Variants in TTC7B observed in about 807,000 individuals in gnomAD.
The protein encoded by TTC7B is tetratricopeptide repeat protein 7B.
TTC7B carries 28 observed loss-of-function variants against 106.8 expected under a neutral mutation model. The ratio of observed to expected loss-of-function variants is 0.26; its 90% CI spans 0.19 to 0.36. The LOEUF (loss-of-function observed/expected upper bound fraction) is 0.36, where lower values mean the gene tolerates loss of function less well. TTC7B is among the 10% of genes least tolerant of loss of function. The pLI is 1.00. For synonymous variants in TTC7B, 405 were observed against 430.6 expected (o/e 0.94, Z 0.74); for missense variants, 862 against 1,076.4 (o/e 0.80, Z 2.79).
At chr14:90,581,986 A>G (rs1891515570) in intron 18 of TTC7B, among the ~76,000 whole-genome samples, 1 of 152,162 alleles carries the variant, frequency 6.6e-6, no homozygotes, top group Non-Finnish European at 1.5e-5. Flanking sequence ...GAGGAAACCT[A>G]TGGCTCTGAT....
At chr14:90,804,269 G>T (rs1180782847) in intron 1 of TTC7B, among the ~76,000 whole-genome samples, 1 of 151,962 alleles carries the variant, frequency 6.6e-6, no homozygotes, top group East Asian at 1.9e-4. Context: ...GGGAGGCGGA[G>T]CTTGCAGTGA....
At chr14:90,684,372 T>C (rs552846475) in intron 7 of TTC7B, among the ~76,000 whole-genome samples, 62 of 151,992 alleles carry the variant, frequency 4.1e-4, no homozygotes, top group African/African-American at 1.3e-3. Flanking sequence ...CACACACACA[T>C]ATATATATAC....
intron 2 of TTC7B, among the ~76,000 whole-genome samples, chr14:90,783,824 C>A (rs956645663): frequency 3.3e-5 from 5 of 152,102 alleles, no homozygotes; most frequent in Non-Finnish European, 1.5e-5. Context: ...GTAGTCACAG[C>A]TACTCAGGAG....
intron 5 of TTC7B, among the ~76,000 whole-genome samples, chr14:90,702,472 T>G (rs1888031922): frequency 1.3e-5 from 2 of 152,214 alleles, no homozygotes; most frequent in Admixed American, 1.3e-4. Context: ...ATGTAGGAAG[T>G]GCTTTTTAAG....
At chr14:90,571,021 C>T (rs563852038) in intron 19 of TTC7B, among the ~76,000 whole-genome samples, 4 of 152,118 alleles carry the variant, frequency 2.6e-5, no homozygotes, top group Non-Finnish European at 5.9e-5. Flanking sequence ...CACCAACATA[C>T]GATTTCACGA....
At chr14:90,751,585 TTTTTTATTTTTTA>T (rs1265169620) in intron 3 of TTC7B, among the ~76,000 whole-genome samples, 4 of 151,804 alleles carry the variant, frequency 2.6e-5, no homozygotes, top group Admixed American at 6.6e-5. Flanking sequence ...TATTTTTTTA[TTTTTTATTTTTTA>T]TTTTTATTTT....
chr14:90,695,415 A>G, intron 6 of TTC7B, 85 bp downstream of exon 6: 1 of 630,496 alleles, frequency 1.6e-6, no homozygotes, highest in South Asian at 3.0e-5. Context: ...TATATTTATA[A>G]TACATAAATG....
intron 5 of TTC7B, among the ~76,000 whole-genome samples, chr14:90,709,089 G>T (rs1382558462): frequency 6.6e-6 from 1 of 151,960 alleles, no homozygotes; most frequent in African/African-American, 2.4e-5. Flanking sequence ...CTGTTGGTGG[G>T]ACTGTAAACT....
At chr14:90,566,247 G>A (rs758559117) in intron 19 of TTC7B, among the ~76,000 whole-genome samples, 2 of 152,080 alleles carry the variant, frequency 1.3e-5, no homozygotes, top group Non-Finnish European at 2.9e-5. Flanking sequence ...GGGAGGCTGA[G>A]GCAGGAGAAT....
chr14:90,583,419 C>T (rs905135507), intron 18 of TTC7B, among the ~76,000 whole-genome samples: 1 of 152,096 alleles, frequency 6.6e-6, no homozygotes, highest in African/African-American at 2.4e-5. Flanking sequence ...CAGGTGAAGG[C>T]CAGGGAAGCA....
chr14:90,643,918 T>C, intron 15 of TTC7B, 130 bp downstream of exon 15: 1 of 1,166,646 alleles, frequency 8.6e-7, no homozygotes, highest in Non-Finnish European at 1.2e-6. Flanking sequence ...AAAATAACAG[T>C]AAAGGGGATT....
At chr14:90,582,830 C>T (rs146813239) in intron 18 of TTC7B, among the ~76,000 whole-genome samples, 355 of 152,302 alleles carry the variant, frequency 2.3e-3, no homozygotes, top group African/African-American at 7.6e-3. Flanking sequence ...TGGGGCACAA[C>T]GTCTTAGGCT....
At chr14:90,573,850 T>A (rs919973594) in intron 19 of TTC7B, among the ~76,000 whole-genome samples, 3 of 152,192 alleles carry the variant, frequency 2.0e-5, no homozygotes, top group Non-Finnish European at 2.9e-5. Flanking sequence ...ACACATTTGT[T>A]CCCTAGCAAT....
chr14:90,697,866 A>G (rs932019935), intron 5 of TTC7B: 6 of 152,274 alleles, frequency 3.9e-5, no homozygotes, highest in African/African-American at 1.4e-4. Context: ...TTTGAAGCAA[A>G]TACAAGTTTT....
intron 8 of TTC7B, among the ~76,000 whole-genome samples, chr14:90,679,962 G>A (rs1432200351): frequency 6.6e-6 from 1 of 152,252 alleles, no homozygotes; most frequent in East Asian, 1.9e-4. Flanking sequence ...GCAAAGCCAG[G>A]AGCTGGAAGA....
intron 7 of TTC7B, among the ~76,000 whole-genome samples, chr14:90,682,112 C>CAGT (rs1361546866): frequency 3.3e-5 from 5 of 152,174 alleles, no homozygotes; most frequent in African/African-American, 1.2e-4. Context: ...GCAAATAAAG[C>CAGT]AGTAACATGA....
Position 90,526,240 on chromosome 14 carries a change from A to T in TTC7B, c.*15128T>A, listed in dbSNP as rs1285183644. ...GACATCCTAGTGGGTGTAAGGTGGTATCTCTTGGAGTTTTGACTTGCATTT... is the reference window on the plus strand; with the variant it reads ...GACATCCTAGTGGGTGTAAGGTGGTTTCTCTTGGAGTTTTGACTTGCATTT... On this transcript the variant is annotated 3_prime_UTR_variant, in exon 20 of 20. Transcript: ENST00000328459. The T allele has an allele frequency of 2.0e-5, 3 of 152,190 alleles. No homozygotes were observed. The highest frequency in any genetic ancestry group is 4.4e-5 in the Non-Finnish European group (3 of 68,024). The allele number at this position is 152,190 out of a possible 1,614,324, so 9.4% of individuals were successfully genotyped here.
At chr14:90,801,248 G>C (rs2140056367) in intron 1 of TTC7B, among the ~76,000 whole-genome samples, 1 of 148,216 alleles carries the variant, frequency 6.7e-6, no homozygotes, top group East Asian at 2.0e-4. Flanking sequence ...AAAAAAGATG[G>C]CACTATGCAG....
chr14:90,607,742 GA>G (rs1184617917), intron 17 of TTC7B, among the ~76,000 whole-genome samples: 1 of 152,180 alleles, frequency 6.6e-6, no homozygotes, highest in Non-Finnish European at 1.5e-5. Flanking sequence ...CTGTAAACAA[GA>G]ATAAGGCAAT....
Sources: allele counts gnomAD v4.1 joint callset (sites outside exome capture counted in the v4.1 genomes callset), GRCh38; gene constraint gnomAD v4.1.1; transcripts MANE v1.5; gene names NCBI Gene and HGNC (gene_info 2026-07-23, HGNC 2026-07-21).